The following KHDRBS3 variants were observed in gnomAD, a reference collection of about 807,000 sequenced individuals.
KHDRBS3 encodes the protein KH RNA binding domain containing, signal transduction associated 3, also known as KH domain-containing, RNA-binding, signal transduction-associated protein 3.
KHDRBS3 carries 23 observed loss-of-function variants against 45.6 expected under a neutral mutation model. That is an observed-to-expected ratio of 0.50 (90% CI 0.36 to 0.72). The LOEUF (loss-of-function observed/expected upper bound fraction) is 0.72, where lower values mean the gene tolerates loss of function less well. KHDRBS3 is among the 30% of genes least tolerant of loss of function. The pLI, the probability that KHDRBS3 is intolerant of heterozygous loss-of-function variation, is 0.00. For synonymous variants in KHDRBS3, 162 were observed against 156.5 expected, an observed-to-expected ratio of 1.04 and a Z score of -0.26; for missense variants, 352 against 424.8, an observed-to-expected ratio of 0.83 and a Z score of 1.51.
intron 4 of KHDRBS3, among the ~76,000 whole-genome samples, chr8:135,556,515 G>A (rs1826895324): frequency 6.6e-6 from 1 of 152,060 alleles, no homozygotes; most frequent in African/African-American, 2.4e-5. Flanking sequence ...ATAACTGTTG[G>A]CTGCATAAAT....
chr8:135,625,891 T>A (rs939719862), intron 7 of KHDRBS3: 66 of 774,572 alleles, frequency 8.5e-5, no homozygotes, highest in African/African-American at 1.4e-4. Flanking sequence ...TTTGTCACGT[T>A]CAACTGCAGA....
intron 7 of KHDRBS3, among the ~76,000 whole-genome samples, chr8:135,607,457 C>G (rs1480827631): frequency 6.6e-6 from 1 of 152,126 alleles, no homozygotes; most frequent in South Asian, 2.1e-4. Context: ...TAAGTAGCAG[C>G]CTCTCCTGTT....
intron 1 of KHDRBS3, among the ~76,000 whole-genome samples, chr8:135,501,018 G>GA: frequency 6.6e-6 from 1 of 152,060 alleles, no homozygotes; most frequent in South Asian, 2.1e-4. Context: ...ACTTGATAGG[G>GA]AAAAAAATGA....
At chr8:135,567,082 G>A (rs1406570147) in intron 5 of KHDRBS3, among the ~76,000 whole-genome samples, 1 of 152,058 alleles carries the variant, frequency 6.6e-6, no homozygotes. Context: ...TAACGCCCTT[G>A]GACACATCTA....
chr8:135,481,449 GTC>G (rs34615309), intron 1 of KHDRBS3, among the ~76,000 whole-genome samples: 52,347 of 151,504 alleles, frequency 0.35, 10,966 homozygotes, highest in South Asian at 0.53. Flanking sequence ...CTCTGTCATA[GTC>G]TCTGTCACAC....
intron 1 of KHDRBS3, among the ~76,000 whole-genome samples, chr8:135,491,305 T>A (rs2130420399): frequency 6.6e-6 from 1 of 152,286 alleles, no homozygotes; most frequent in South Asian, 2.1e-4. Context: ...TTGTGAGGTA[T>A]CTATTTTTGT....
intron 1 of KHDRBS3, among the ~76,000 whole-genome samples, chr8:135,487,964 T>C (rs1822948243): frequency 6.6e-6 from 1 of 151,536 alleles, no homozygotes; most frequent in South Asian, 2.1e-4. Flanking sequence ...TTATATCAAA[T>C]CATTGTTAAA....
At chr8:135,529,207 T>C (rs2130700293) in intron 2 of KHDRBS3, among the ~76,000 whole-genome samples, 2 of 152,258 alleles carry the variant, frequency 1.3e-5, no homozygotes, top group South Asian at 4.1e-4. Flanking sequence ...TCAACCTACA[T>C]CTTGTAGTGG....
At chr8:135,526,889 T>G (rs16905387) in intron 2 of KHDRBS3, among the ~76,000 whole-genome samples, 53,007 of 151,906 alleles carry the variant, frequency 0.35, 11,239 homozygotes, top group South Asian at 0.54. Flanking sequence ...TTTATGATTT[T>G]TTTAGAAGTT....
chr8:135,503,902 A>C (rs577519770), intron 1 of KHDRBS3, among the ~76,000 whole-genome samples: 88 of 152,084 alleles, frequency 5.8e-4, no homozygotes, highest in Non-Finnish European at 9.0e-4. Flanking sequence ...TCATATTTAA[A>C]TTTGTATTAC....
intron 2 of KHDRBS3, chr8:135,542,453 T>C (rs1400739960): frequency 2.0e-6 from 1 of 496,526 alleles, no homozygotes; most frequent in Non-Finnish European, 3.6e-6. Flanking sequence ...TATAAAGAAA[T>C]ATATCAGGGT....
At chr8:135,565,897 G>C (rs1827389750) in intron 5 of KHDRBS3, among the ~76,000 whole-genome samples, 1 of 152,138 alleles carries the variant, frequency 6.6e-6, no homozygotes, top group African/African-American at 2.4e-5. Flanking sequence ...AATCTACCTA[G>C]TCATTACCCA....
At chr8:135,539,854 G>A (rs1825958512) in intron 2 of KHDRBS3, 1 of 152,138 alleles carries the variant, frequency 6.6e-6, no homozygotes, top group South Asian at 2.1e-4. Flanking sequence ...ACTAACAGAA[G>A]TTAAGTGGAA....
intron 4 of KHDRBS3, among the ~76,000 whole-genome samples, chr8:135,551,000 C>T (rs1174316450): frequency 6.6e-6 from 1 of 151,984 alleles, no homozygotes; most frequent in Non-Finnish European, 1.5e-5. Context: ...ACTGTGAGTG[C>T]AATTTTTAAA....
chr8:135,544,367 G>A (rs1212817454), intron 3 of KHDRBS3, among the ~76,000 whole-genome samples: 1 of 152,176 alleles, frequency 6.6e-6, no homozygotes, highest in Non-Finnish European at 1.5e-5. Flanking sequence ...GTATGCCCGA[G>A]TTAACAGCAA....
chr8:135,468,501 A>G (rs1821813302), intron 1 of KHDRBS3, among the ~76,000 whole-genome samples: 1 of 152,252 alleles, frequency 6.6e-6, no homozygotes, highest in Non-Finnish European at 1.5e-5. Context: ...TGTAAAGGCT[A>G]AAGAGTAAAT....
intron 1 of KHDRBS3, among the ~76,000 whole-genome samples, chr8:135,470,371 T>C (rs1156485190): frequency 6.6e-6 from 1 of 152,160 alleles, no homozygotes; most frequent in Admixed American, 6.5e-5. Flanking sequence ...TCATTAGGAA[T>C]GTCTCCTTTT....
chr8:135,565,780 T>C (rs1461111871), intron 5 of KHDRBS3, among the ~76,000 whole-genome samples: 1 of 152,188 alleles, frequency 6.6e-6, no homozygotes, highest in Non-Finnish European at 1.5e-5. Flanking sequence ...GAGCCTTCCA[T>C]TGGAGTCTTG....
At chr8:135,638,867 A>G (rs1180742480) in intron 7 of KHDRBS3, among the ~76,000 whole-genome samples, 3 of 61,294 alleles carry the variant, frequency 4.9e-5, no homozygotes, top group Non-Finnish European at 1.5e-4. Context: ...CGGCTGAGGC[A>G]GGAGAATTGC....
Sources: gnomAD v4.1 joint callset for allele counts (sites outside exome capture counted in the v4.1 genomes callset) on GRCh38, gnomAD v4.1.1 for gene constraint, MANE v1.5 for transcripts, NCBI Gene and HGNC (gene_info 2026-07-23, HGNC 2026-07-21) for gene names.